Variants in EPHA6 observed in about 807,000 individuals in gnomAD.
EPHA6 encodes ephrin type-A receptor 6.
EPHA6 carries 50 observed loss-of-function variants against 112.0 expected under a neutral mutation model. The observed-to-expected ratio is 0.45, with a 90% CI of 0.36 to 0.56. The LOEUF is 0.56. Ranked by LOEUF, EPHA6 falls within the 20% of genes least tolerant of loss-of-function variation. The probability of loss-of-function intolerance (pLI) is 0.00; values close to 1 mark genes in which losing one functional copy is unlikely to be tolerated. For synonymous variants in EPHA6, 529 were observed against 490.7 expected (o/e 1.08, Z -1.03); for missense variants, 1,280 against 1,417.4 (o/e 0.90, Z 1.56).
intron 2 of EPHA6, among the ~76,000 whole-genome samples, chr3:96,945,296 C>CCTGTG (rs1456100572): frequency 6.6e-6 from 1 of 152,130 alleles, no homozygotes; most frequent in Non-Finnish European, 1.5e-5. Flanking sequence ...CCTGTATAGA[C>CCTGTG]CTGTGCTGTT....
chr3:97,283,981 T>A (rs762138916), intron 5 of EPHA6, among the ~76,000 whole-genome samples: 16 of 152,184 alleles, frequency 1.1e-4, no homozygotes, highest in Non-Finnish European at 2.1e-4. Context: ...TTCCATTATC[T>A]CATAATTATA....
chr3:97,292,883 A>C (rs934335538), intron 5 of EPHA6, among the ~76,000 whole-genome samples: 1 of 148,760 alleles, frequency 6.7e-6, no homozygotes, highest in Non-Finnish European at 1.5e-5. Flanking sequence ...AGGTCATCTC[A>C]GTGAGCGTCC....
chr3:97,720,537 C>T (rs571889906), intron 15 of EPHA6, 127 bp downstream of exon 15: 2 of 769,728 alleles, frequency 2.6e-6, no homozygotes, highest in Admixed American at 3.8e-5. Flanking sequence ...TGGTCTATGG[C>T]TGAGTTTGAG....
chr3:97,720,652 A>T (rs950017083), intron 15 of EPHA6, among the ~76,000 whole-genome samples: 1 of 152,152 alleles, frequency 6.6e-6, no homozygotes, highest in Non-Finnish European at 1.5e-5. Context: ...TCAGATTTCC[A>T]TGCTTGTTCT....
At chr3:96,955,008 TTTGA>T (rs901136068) in intron 2 of EPHA6, among the ~76,000 whole-genome samples, 2 of 152,098 alleles carry the variant, frequency 1.3e-5, no homozygotes, top group African/African-American at 4.8e-5. Flanking sequence ...TATTGAATGA[TTTGA>T]TTAATGAGCT....
chr3:96,917,452 A>T (rs1367866541), intron 2 of EPHA6, among the ~76,000 whole-genome samples: 1 of 146,956 alleles, frequency 6.8e-6, no homozygotes, highest in Admixed American at 6.8e-5. Flanking sequence ...ATTTTTTTTC[A>T]TTATAGTTTT....
chr3:97,109,106 C>G (rs2047647022), intron 3 of EPHA6, among the ~76,000 whole-genome samples: 2 of 152,140 alleles, frequency 1.3e-5, no homozygotes, highest in African/African-American at 4.8e-5. Flanking sequence ...ATGTAAGATG[C>G]TTGAGAGAAA....
At chr3:97,149,152 C>G (rs1473704555) in intron 3 of EPHA6, among the ~76,000 whole-genome samples, 1 of 152,002 alleles carries the variant, frequency 6.6e-6, no homozygotes, top group Non-Finnish European at 1.5e-5. Context: ...CTTTCTCTGG[C>G]CCATGACTAA....
At chr3:97,319,396 A>G (rs1232308676) in intron 5 of EPHA6, among the ~76,000 whole-genome samples, 4 of 151,766 alleles carry the variant, frequency 2.6e-5, no homozygotes, top group African/African-American at 9.7e-5. Flanking sequence ...TATCTGGCAC[A>G]GTGGCTCATG....
At chr3:97,286,680 C>CT (rs753882991) in intron 5 of EPHA6, among the ~76,000 whole-genome samples, 363 of 142,106 alleles carry the variant, frequency 2.6e-3, no homozygotes, top group Non-Finnish European at 3.5e-3. Flanking sequence ...AAGCCTCAAG[C>CT]TTTTTTTTTT....
chr3:97,209,948 C>A (rs1274752291), intron 3 of EPHA6, among the ~76,000 whole-genome samples: 1 of 152,202 alleles, frequency 6.6e-6, no homozygotes, highest in South Asian at 2.1e-4. Context: ...GAGGTGACCA[C>A]ATAAAACATT....
At chr3:96,903,379 CA>C (rs2038727368) in intron 2 of EPHA6, among the ~76,000 whole-genome samples, 1 of 152,110 alleles carries the variant, frequency 6.6e-6, no homozygotes, top group Non-Finnish European at 1.5e-5. Context: ...GTCTACAGAT[CA>C]GGGTTCATAT....
At chr3:96,867,346 A>G (rs2107457269) in intron 2 of EPHA6, among the ~76,000 whole-genome samples, 1 of 151,958 alleles carries the variant, frequency 6.6e-6, no homozygotes, top group South Asian at 2.1e-4. Flanking sequence ...GAACTTGGTG[A>G]AAATATACAA....
At chr3:96,871,261 T>A (rs1425503291) in intron 2 of EPHA6, among the ~76,000 whole-genome samples, 1 of 152,022 alleles carries the variant, frequency 6.6e-6, no homozygotes, top group East Asian at 1.9e-4. Flanking sequence ...AGGTGTTAAT[T>A]GCCATCCACA....
chr3:97,508,844 A>G (rs766644647), intron 10 of EPHA6, among the ~76,000 whole-genome samples: 2 of 152,042 alleles, frequency 1.3e-5, no homozygotes, highest in Non-Finnish European at 2.9e-5. Context: ...GAGCTTCTGT[A>G]TTAGGTGCAT....
intron 5 of EPHA6, among the ~76,000 whole-genome samples, chr3:97,303,515 T>A (rs2108727622): frequency 6.6e-6 from 1 of 152,088 alleles, no homozygotes; most frequent in Middle Eastern, 3.4e-3. Context: ...GGTTGAGAAG[T>A]CCCACGACAG....
At chr3:97,106,802 C>T (rs1665481916) in intron 3 of EPHA6, among the ~76,000 whole-genome samples, 2 of 152,230 alleles carry the variant, frequency 1.3e-5, no homozygotes, top group Non-Finnish European at 2.9e-5. Flanking sequence ...TGCCTGCGCT[C>T]CCTAGGGGTT....
intron 3 of EPHA6, among the ~76,000 whole-genome samples, chr3:97,026,147 A>T (rs1229596674): frequency 1.5e-5 from 2 of 134,274 alleles, no homozygotes; most frequent in African/African-American, 2.8e-5. Context: ...TTTTTTTACC[A>T]GTACCATGCT....
At chr3:96,956,888 T>C (rs762000804) in intron 2 of EPHA6, among the ~76,000 whole-genome samples, 3 of 151,532 alleles carry the variant, frequency 2.0e-5, no homozygotes, top group Non-Finnish European at 4.4e-5. Flanking sequence ...CAAAAATTAG[T>C]TGGGTGTGGT....
Sources: allele counts gnomAD v4.1 joint callset (sites outside exome capture counted in the v4.1 genomes callset), GRCh38; gene constraint gnomAD v4.1.1; transcripts MANE v1.5; gene names NCBI Gene and HGNC (gene_info 2026-07-23, HGNC 2026-07-21).